Variants in YME1L1 observed in about 807,000 individuals in gnomAD.
YME1L1 encodes the protein ATP-dependent zinc metalloprotease YME1L1.
A neutral mutation model predicts 90.4 loss-of-function variants in YME1L1; 39 were observed. The observed-to-expected ratio is 0.43, with a 90% CI of 0.33 to 0.56. The LOEUF is 0.56. Ranked by LOEUF, YME1L1 falls within the 20% of genes least tolerant of loss-of-function variation. The probability of loss-of-function intolerance (pLI) is 0.03; values close to 1 mark genes in which losing one functional copy is unlikely to be tolerated. For synonymous variants in YME1L1, 284 were observed against 287.3 expected, an observed-to-expected ratio of 0.99 and a Z score of 0.12; for missense variants, 617 against 868.4, an observed-to-expected ratio of 0.71 and a Z score of 3.64.
rs1413156356 is a variant in YME1L1 at position 27,148,892 on chromosome 10, G to C, written c.168+14C>G. 11 of 1,613,014 alleles carry C rather than the reference G, an allele frequency of 6.8e-6. No individual in the cohort carries two copies. The highest frequency in any genetic ancestry group is 1.1e-5 in the South Asian group (1 of 90,988). Reference sequence around the variant, plus strand: ...TCAAAAAGGCTTTCTCACACAACCAGGATAAAGACTTACCTCACTGCTGGG... The same window carrying C: ...TCAAAAAGGCTTTCTCACACAACCACGATAAAGACTTACCTCACTGCTGGG... On this transcript the variant is annotated intron_variant, in intron 2 of 18. Transcript: ENST00000376016.
intron 8 of YME1L1, among the ~76,000 whole-genome samples, chr10:27,128,005 T>G (rs2056938429): frequency 1.3e-5 from 2 of 152,190 alleles, no homozygotes; most frequent in Non-Finnish European, 2.9e-5. Context: ...TTAAACATAA[T>G]TTAATACTCA....
chr10:27,136,175 G>C (rs2057024974), intron 5 of YME1L1, 101 bp downstream of exon 5: 4 of 941,362 alleles, frequency 4.2e-6, no homozygotes, highest in Non-Finnish European at 5.0e-6. Flanking sequence ...TGGAAAGAAG[G>C]AAGAATATCT....
intron 4 of YME1L1, among the ~76,000 whole-genome samples, chr10:27,139,182 C>A (rs923117507): frequency 6.6e-6 from 1 of 151,940 alleles, no homozygotes; most frequent in South Asian, 2.1e-4. Flanking sequence ...CATTCAGACA[C>A]AGATACATAC....
chr10:27,149,447 C>A (rs963704423), intron 1 of YME1L1, among the ~76,000 whole-genome samples: 3 of 152,002 alleles, frequency 2.0e-5, no homozygotes, highest in Non-Finnish European at 4.4e-5. Flanking sequence ...CAGTGGCTCA[C>A]GCCTGTAACC....
At position 27,123,688 on chromosome 10, in the gene YME1L1, C is replaced by A; in HGVS notation, c.961G>T (p.Val321Phe). ...GGKLPKGILL[V>F]GPPGTGKTLL... Reference sequence around the variant, plus strand: ...GTCTTTCCAGTCCCTGGGGGTCCAACTAAAAGAATTCCTAAAAGAAAATGA... The same window carrying A: ...GTCTTTCCAGTCCCTGGGGGTCCAAATAAAAGAATTCCTAAAAGAAAATGA... Residue 321 changes from valine (V) to phenylalanine (F), a missense_variant, in exon 10 of 19, where the codon GTT becomes TTT. Around this residue, in one of 4 missense-constraint regions of YME1L1, gnomAD observed 93 missense variants for 184.8 expected, o/e 0.50. Coordinates refer to ENST00000376016, the MANE Select transcript of YME1L1 (RefSeq NM_014263.4). 3 of 1,595,130 alleles carry A rather than the reference C, an allele frequency of 1.9e-6. No individual in the cohort carries two copies. Among genetic ancestry groups the A allele is most frequent in the South Asian group, 1.1e-5 (1 of 87,694 alleles).
intron 9 of YME1L1, among the ~76,000 whole-genome samples, chr10:27,126,260 T>C (rs760087277): frequency 2.0e-5 from 3 of 151,938 alleles, no homozygotes; most frequent in Non-Finnish European, 4.4e-5. Context: ...CTGGGCAACA[T>C]GGAGTAACCT....
chr10:27,118,043 T>A (rs1194881349), intron 14 of YME1L1, among the ~76,000 whole-genome samples: 1 of 152,246 alleles, frequency 6.6e-6, no homozygotes, highest in Non-Finnish European at 1.5e-5. Context: ...CACTTGAGCA[T>A]CCCTGAATTT....
chr10:27,123,565 G>A lies in YME1L1; in HGVS notation c.1084C>T (p.Arg362Cys). Residue 362 changes from arginine to cysteine, a missense_variant, in exon 10 of 19, where the codon CGT becomes TGT. By Grantham distance (180) the Arg-to-Cys change is radical (BLOSUM62 -3). Coordinates refer to ENST00000376016, the MANE Select transcript of YME1L1 (RefSeq NM_014263.4). ...DEMFVGVGAS[R>C]IRNLFREAKA... ...AACGTACTAAAAAGATTTCTGATAC[G>A]GCTGGCTCCCACACCCACAAACATC... 6.2e-7 allele frequency: 1 copy of A among 1,613,478 alleles called. No homozygotes were observed. Among genetic ancestry groups the A allele is most frequent in the Non-Finnish European group, 8.5e-7 (1 of 1,179,736 alleles).
intron 8 of YME1L1, among the ~76,000 whole-genome samples, chr10:27,130,177 A>G (rs988257544): frequency 6.6e-6 from 1 of 152,162 alleles, no homozygotes; most frequent in Non-Finnish European, 1.5e-5. Flanking sequence ...CATCAATAGC[A>G]TTTCACATTG....
In YME1L1 at chr10:27,114,479, A is replaced by G. The variant is rs1404251398; in HGVS notation, c.2007+42T>C. The G allele has an allele frequency of 2.0e-6, 3 of 1,532,486 alleles. No homozygotes were observed. In the Admixed American group the frequency reaches 5.4e-5, roughly 28 times the overall value. The allele number at this position is 1,532,486 out of a possible 1,614,324, so 94.9% of individuals were successfully genotyped here. ...TTTAAGAACCTGACTATTTAAGCAC[A>G]TTGTTCCTAAGAAAATAAATAAGCA... On this transcript the variant is annotated intron_variant, in intron 18 of 18. Coordinates refer to ENST00000376016, the MANE Select transcript of YME1L1 (RefSeq NM_014263.4).
chr10:27,122,970 TC>T lies in YME1L1; in HGVS notation c.1105del (p.Glu369LysfsTer15). The T allele has an allele frequency of 6.2e-7, 1 of 1,608,286 alleles. No individual in the cohort carries two copies. Among genetic ancestry groups the T allele is most frequent in the Non-Finnish European group, 8.5e-7 (1 of 1,178,486 alleles). On this transcript the variant is annotated frameshift_variant and splice_region_variant, in exon 11 of 19. Coordinates refer to ENST00000376016, the MANE Select transcript of YME1L1 (RefSeq NM_014263.4). LOFTEE classifies it high-confidence loss of function. Reference sequence around the variant, plus strand: ...AACACAAGGAGCATTCGCCTTTGCTTCCCCTAAGAAAACAAAAAACATTCAA... The same window carrying T: ...AACACAAGGAGCATTCGCCTTTGCTTCCCTAAGAAAACAAAAAACATTCAA... ...GASRIRNLFR[E>X]AKANAPCVIF...
chr10:27,147,231 G>A, intron 2 of YME1L1: 1 of 611,446 alleles, frequency 1.6e-6, no homozygotes. Flanking sequence ...GGTGGCTCGA[G>A]CCTGTAATCC....
At chr10:27,152,267 T>C (rs927928542) in intron 1 of YME1L1, among the ~76,000 whole-genome samples, 2 of 152,252 alleles carry the variant, frequency 1.3e-5, no homozygotes, top group Admixed American at 1.3e-4. Context: ...TATATCTCTT[T>C]TCTTTCACAA....
At chr10:27,150,308 T>G (rs2057197637) in intron 1 of YME1L1, among the ~76,000 whole-genome samples, 1 of 152,208 alleles carries the variant, frequency 6.6e-6, no homozygotes, top group African/African-American at 2.4e-5. Flanking sequence ...ATCATCCCAT[T>G]TAATCCTCAA....
intron 4 of YME1L1, among the ~76,000 whole-genome samples, chr10:27,141,213 T>C (rs2057083427): frequency 6.6e-6 from 1 of 152,032 alleles, no homozygotes; most frequent in African/African-American, 2.4e-5. Context: ...CCGGCCAACA[T>C]GGTGAAACCC....
At position 27,119,617 on chromosome 10, in the gene YME1L1, T is replaced by C. The variant is rs536571415; in HGVS notation, c.1412-168A>G. 1.5e-4 allele frequency among the ~76,000 whole-genome samples: 23 copies of C among 152,330 alleles called. No homozygotes were observed. In the East Asian group the frequency reaches 2.5e-3, roughly 17 times the overall value. Reference sequence around the variant, plus strand: ...TAAGGACAGGAGTTGGAGACCATCCTGGCCAACATGGTGAAACCCCATCTC... The same window carrying C: ...TAAGGACAGGAGTTGGAGACCATCCCGGCCAACATGGTGAAACCCCATCTC... On this transcript the variant is annotated intron_variant, in intron 13 of 18. Coordinates refer to ENST00000376016, the MANE Select transcript of YME1L1 (RefSeq NM_014263.4).
intron 2 of YME1L1, 42 bp downstream of exon 2, chr10:27,148,864 A>C (rs764067829): frequency 6.2e-7 from 1 of 1,609,426 alleles, no homozygotes; most frequent in East Asian, 2.2e-5. Context: ...GGTCAACTGT[A>C]TATCAAAAAG....
At chr10:27,141,311 G>A (rs1269765146) in intron 4 of YME1L1, among the ~76,000 whole-genome samples, 2 of 152,074 alleles carry the variant, frequency 1.3e-5, no homozygotes, top group Admixed American at 6.6e-5. Flanking sequence ...CAGGAGAATT[G>A]CTTGAACCCA....
chr10:27,132,127 A>C (rs2056983334), intron 7 of YME1L1, among the ~76,000 whole-genome samples, 186 bp from the exon 8 acceptor site: 1 of 152,088 alleles, frequency 6.6e-6, no homozygotes, highest in Non-Finnish European at 1.5e-5. Flanking sequence ...TTTTTGACAG[A>C]GTCTTGCTCT....
Sources: gnomAD v4.1 joint callset for allele counts (sites outside exome capture counted in the v4.1 genomes callset) on GRCh38, gnomAD v4.1.1 for gene constraint, gnomAD v4.1.1 regional missense constraint, MANE v1.5 for transcripts, NCBI Gene and HGNC (gene_info 2026-07-23, HGNC 2026-07-21) for gene names.